The following SON variants were observed in gnomAD, a reference collection of about 807,000 sequenced individuals.
The protein encoded by SON is SON DNA and RNA binding protein, also known as protein SON.
Under a neutral mutation model 173.3 loss-of-function variants are expected in SON, and 4 were observed. The ratio of observed to expected loss-of-function variants is 0.02; its 90% CI spans 0.01 to 0.05. The LOEUF is 0.05. Among genes scored for constraint, SON ranks in the 10% least tolerant of loss-of-function variants. The probability of loss-of-function intolerance (pLI) is 1.00; values close to 1 mark genes in which losing one functional copy is unlikely to be tolerated. For missense variants in SON, 2,626 were observed against 3,055.3 expected (o/e 0.86, Z 3.31); for synonymous variants, 1,190 against 1,105.9 (o/e 1.08, Z -1.51).
chr21:33,564,689 C>T (rs1351765060), intron 6 of SON, among the ~76,000 whole-genome samples: 1 of 151,982 alleles, frequency 6.6e-6, no homozygotes, highest in African/African-American at 2.4e-5. Context: ...GGAGAAACCG[C>T]GTCTCTCCTA....
rs755863459 is a variant in SON, at chr21:33,559,907, C to T, written c.6657+132C>T. On this transcript the variant is annotated intron_variant, in intron 6 of 11. Coordinates refer to ENST00000356577, the MANE Select transcript of SON (RefSeq NM_138927.4). This position sits in a 1 kb window ranked among gnomAD's most constrained non-coding sequence, Gnocchi z 4.1. ...GGTTAAACGGCAGGGCCGGGTTAGA[C>T]GACAGATGAAACAACCCGCAGCTTC... 2 of 1,610,600 alleles carry T rather than the reference C, an allele frequency of 1.2e-6. No homozygotes were observed. Among genetic ancestry groups the T allele is most frequent in the Admixed American group, 1.7e-5 (1 of 59,868 alleles).
In SON at chr21:33,550,578, G is replaced by T. The variant is rs1242440478; in HGVS notation, c.1347G>T (p.Leu449Phe). The T allele has an allele frequency of 1.1e-5, 17 of 1,613,850 alleles. No homozygotes were observed. The highest frequency in any genetic ancestry group is 1.6e-4 in the Middle Eastern group (1 of 6,082). ...PGPSVTPVPQ[L>F]SQELPGLPAP... The stretch of plus-strand genomic sequence containing the variant: ...CCTCTGTGACACCAGTGCCACAGTT[G>T]TCGCAGGAATTGCCAGGGCTTCCAG... Residue 449 changes from leucine (L) to phenylalanine (F), a missense_variant, in exon 3 of 12, where the codon TTG becomes TTT. Physicochemically the swap from Leu to Phe is conservative, Grantham distance 22. This residue lies in a region of SON where 757 missense variants were observed against 730.1 expected (regional missense o/e 1.04). Transcript: ENST00000356577.
In SON at chr21:33,554,660, A is replaced by C. The variant is rs2085917069; in HGVS notation, c.5429A>C (p.Asp1810Ala). The change falls in exon 3 of 12, where the codon GAT becomes GCT. Residue 1810 changes from aspartate to alanine, a missense_variant. Physicochemically the swap from Asp to Ala is moderately radical, Grantham distance 126. This residue lies in a region of SON where 1,006 missense variants were observed against 895.6 expected (regional missense o/e 1.12). Transcript: ENST00000356577. ...AAAAGCAAGAAAAATAAGAACCGTG[A>C]TAAGGGGGAGAAAGAGAAGAAAAGA... ...HEKSKKNKNR[D>A]KGEKEKKRDS... is the part of the protein sequence containing the mutation. 6.2e-7 allele frequency: 1 copy of C among 1,613,732 alleles called. No homozygotes were observed. The highest frequency in any genetic ancestry group is 1.3e-5 in the African/African-American group (1 of 74,850).
rs563422481 is a variant in SON at position 33,544,329 on chromosome 21, T to C, written c.77+1160T>C. ...TTTTTGTGATATTGCTAGTAGTGTT[T>C]TGGATGAGAAGAGACCCGAGCTAAG... On this transcript the variant is annotated intron_variant, in intron 1 of 11. Coordinates refer to ENST00000356577, the MANE Select transcript of SON (RefSeq NM_138927.4). Among the ~76,000 whole-genome samples, 81 of 152,348 alleles carry C rather than the reference T, an allele frequency of 5.3e-4. 2 individuals carry two copies. The South Asian group carries it at 0.014, about 27-fold the overall frequency.
At position 33,553,688 on chromosome 21, in the gene SON, G is replaced by T. The variant is rs1487393126; in HGVS notation, c.4457G>T (p.Gly1486Val). The change falls in exon 3 of 12, where the codon GGA (glycine) becomes GTA (valine). Residue 1486 changes from glycine to valine, a missense_variant. Physicochemically the swap from Gly to Val is moderately radical, Grantham distance 109 (BLOSUM62 -3). Around this residue, in one of 13 missense-constraint regions of SON, gnomAD observed 1,006 missense variants for 895.6 expected, o/e 1.12. Coordinates refer to ENST00000356577, the MANE Select transcript of SON (RefSeq NM_138927.4). Reference sequence around the variant, plus strand: ...ATCATGTCATCACATGTTATGAAAGGAATTAATCTATCCTCTGGTGATCAA... The same window carrying T: ...ATCATGTCATCACATGTTATGAAAGTAATTAATCTATCCTCTGGTGATCAA... The part of the protein sequence containing the change: ...SSIMSSHVMK[G>V]INLSSGDQNL... 1 of 1,614,006 alleles carries T rather than the reference G, an allele frequency of 6.2e-7. No individual in the cohort carries two copies. Among genetic ancestry groups the T allele is most frequent in the South Asian group, 1.1e-5 (1 of 91,050 alleles).
rs2239563 is a variant in SON at position 33,568,757 on chromosome 21, G to A, written c.6769-214G>A. ...TTAACAGCTGTATTTTTTAGTAGCT[G>A]TGCTTTTAGATACATTTCAAAATCT... On this transcript the variant is annotated intron_variant, in intron 7 of 11. Coordinates refer to ENST00000356577, the MANE Select transcript of SON (RefSeq NM_138927.4). 0.22 allele frequency among the ~76,000 whole-genome samples: 32,883 copies of A among 152,134 alleles called. 4,371 individuals carry two copies. The highest frequency in any genetic ancestry group is 0.29 in the Non-Finnish European group (19,401 of 67,964).
chr21:33,574,777 G>A (rs1354414496), intron 9 of SON, among the ~76,000 whole-genome samples: 3 of 152,196 alleles, frequency 2.0e-5, no homozygotes, highest in African/African-American at 7.2e-5. Flanking sequence ...CAGTGTTTGG[G>A]TTTAGCAATG....
In SON at chr21:33,551,514, G is replaced by C. The variant is rs952733269; in HGVS notation, c.2283G>C (p.Met761Ile). 6.2e-7 allele frequency: 1 copy of C among 1,613,748 alleles called. No homozygotes were observed. The highest frequency in any genetic ancestry group is 8.5e-7 in the Non-Finnish European group (1 of 1,179,874). The change falls in exon 3 of 12, where the codon ATG (methionine) becomes ATC (isoleucine). Residue 761 changes from methionine (M) to isoleucine (I), a missense_variant. This residue lies in a region of SON where 182 missense variants were observed against 193.6 expected (regional missense o/e 0.94). Coordinates refer to ENST00000356577, the MANE Select transcript of SON (RefSeq NM_138927.4). ...CCCAGATGTTAGCGTCTAGCACCAT[G>C]GACTCCCAGATGTTAGCAACTAGCT... ...MDSQMLASST[M>I]DSQMLATSSM...
chr21:33,547,810 G>C (rs1225022693), intron 2 of SON, among the ~76,000 whole-genome samples: 2 of 147,934 alleles, frequency 1.4e-5, no homozygotes, highest in Non-Finnish European at 3.0e-5. Context: ...CGCCTCCCGG[G>C]TTCACGCCAT....
rs1208585420 is a variant in SON at position 33,559,673 on chromosome 21, A to G, written c.6555A>G (p.Lys2185=). The G allele has an allele frequency of 1.2e-6, 2 of 1,614,214 alleles. No homozygotes were observed. Among genetic ancestry groups the G allele is most frequent in the Admixed American group, 3.3e-5 (2 of 60,020 alleles). The change falls in exon 6 of 12, where the codon AAA becomes AAG. Residue 2185 remains lysine (K), a synonymous_variant. Coordinates refer to ENST00000356577, the MANE Select transcript of SON (RefSeq NM_138927.4). This position sits in a 1 kb window ranked among gnomAD's most constrained non-coding sequence, Gnocchi z 4.1. ...FPVSSGSQHR[K]KEADSVYGEW... ...TATCATCTGGATCTCAACATCGGAA[A>G]AAAGAAGCGGATAGTGTTTATGGAG...
At chr21:33,566,064 C>T (rs1379741187) in intron 6 of SON, among the ~76,000 whole-genome samples, 1 of 152,066 alleles carries the variant, frequency 6.6e-6, no homozygotes, top group Non-Finnish European at 1.5e-5. Flanking sequence ...TACAGCTAGC[C>T]TCTACTTGTA....
At chr21:33,569,211 G>A in intron 8 of SON, 124 bp downstream of exon 8, 2 of 621,132 alleles carry the variant, frequency 3.2e-6, no homozygotes, top group Non-Finnish European at 5.8e-6. Context: ...TTTGCTATGT[G>A]TATATGCTCC....
rs757704907 is a variant in SON, at chr21:33,551,796, G to A, written c.2565G>A (p.Met855Ile). The A allele has an allele frequency of 6.2e-7, 1 of 1,613,554 alleles. No individual in the cohort carries two copies. ...CAACCAGCACCATGGACTCCCAGAT[G>A]TTAGCAACTAGCTCAATGGATTCCC... ...MLATSTMDSQ[M>I]LATSSMDSQM... is the part of the protein sequence containing the mutation. The change falls in exon 3 of 12, where the codon ATG becomes ATA. Residue 855 changes from methionine (M) to isoleucine (I), a missense_variant. Around this residue, in one of 13 missense-constraint regions of SON, gnomAD observed 366 missense variants for 448.6 expected, o/e 0.82. Coordinates refer to ENST00000356577, the MANE Select transcript of SON (RefSeq NM_138927.4).
Position 33,552,050 on chromosome 21 carries a change from A to G in SON, c.2819A>G (p.Asp940Gly). 1 of 1,614,100 alleles carries G rather than the reference A, an allele frequency of 6.2e-7. No individual in the cohort carries two copies. The highest frequency in any genetic ancestry group is 8.5e-7 in the Non-Finnish European group (1 of 1,179,982). The change falls in exon 3 of 12, where the codon GAT (aspartate) becomes GGT (glycine). Residue 940 changes from aspartate to glycine, a missense_variant. Physicochemically the swap from Asp to Gly is moderately conservative, Grantham distance 94. Coordinates refer to ENST00000356577, the MANE Select transcript of SON (RefSeq NM_138927.4). This position sits in a 1 kb window ranked among gnomAD's most constrained non-coding sequence, Gnocchi z 5.6. ...LGHDPYRLGH[D>G]AYRLGQDPYR... Reference sequence around the variant, plus strand: ...CATGACCCCTATAGATTAGGTCATGATGCTTACAGGTTAGGACAAGACCCT... The same window carrying G: ...CATGACCCCTATAGATTAGGTCATGGTGCTTACAGGTTAGGACAAGACCCT...
At chr21:33,569,539 C>A (rs1244610890) in intron 8 of SON, 2 of 400,544 alleles carry the variant, frequency 5.0e-6, no homozygotes, top group Non-Finnish European at 1.0e-5. Flanking sequence ...TTCCATTCCT[C>A]TATTCCTTTG....
At chr21:33,572,766 G>A in intron 8 of SON, 1 of 301,432 alleles carries the variant, frequency 3.3e-6, no homozygotes, top group Non-Finnish European at 6.0e-6. Context: ...TAAATTTCAA[G>A]AGTTTTTTTT....
rs373944396 is a variant in SON at position 33,543,075 on chromosome 21, G to A, written c.-18G>A. ...TGGAGGACTAGCGAGGAGGAGTTGA[G>A]AGAACGGAGCGGACGCCATGGCGAC... On this transcript the variant is annotated 5_prime_UTR_variant, in exon 1 of 12. Transcript: ENST00000356577. 4 of 1,613,630 alleles carry A rather than the reference G, an allele frequency of 2.5e-6. No individual in the cohort carries two copies. Among genetic ancestry groups the A allele is most frequent in the Admixed American group, 3.3e-5 (2 of 60,010 alleles).
chr21:33,553,577 A>C lies in SON; in HGVS notation c.4346A>C (p.Glu1449Ala). ...CAGGAATCGACTGTGACAGTTTCAG[A>C]GCCTGCTGTCACAGTCTCAGAGCAG... ...SVQESTVTVS[E>A]PAVTVSEQTQ... The change falls in exon 3 of 12, where the codon GAG (glutamate) becomes GCG (alanine). Residue 1449 changes from glutamate (E) to alanine (A), a missense_variant. Glu to Ala is a moderately radical substitution (Grantham distance 107). Around this residue, in one of 13 missense-constraint regions of SON, gnomAD observed 1,006 missense variants for 895.6 expected, o/e 1.12. Coordinates refer to ENST00000356577, the MANE Select transcript of SON (RefSeq NM_138927.4). 1.1e-5 allele frequency: 17 copies of C among 1,614,106 alleles called. No homozygotes were observed. Among genetic ancestry groups the C allele is most frequent in the Non-Finnish European group, 1.4e-5 (17 of 1,180,018 alleles).
chr21:33,573,281 A>T, intron 8 of SON, 27 bp from the exon 9 acceptor site: 1 of 1,575,418 alleles, frequency 6.3e-7, no homozygotes, highest in Non-Finnish European at 8.6e-7. Flanking sequence ...TAAAATGGGG[A>T]CATTTTACCT....
Sources: allele counts gnomAD v4.1 joint callset (sites outside exome capture counted in the v4.1 genomes callset), GRCh38; gene constraint gnomAD v4.1.1; regional missense constraint gnomAD v4.1.1; non-coding constraint Gnocchi (gnomAD v3.1); transcripts MANE v1.5; gene names NCBI Gene and HGNC (gene_info 2026-07-23, HGNC 2026-07-21).